The following DNAJC7 variants were observed in gnomAD, a reference collection of about 807,000 sequenced individuals.
DNAJC7 encodes the protein dnaJ homolog subfamily C member 7.
In DNAJC7, 18 loss-of-function variants were observed where a neutral mutation model predicts 67.4. The ratio of observed to expected loss-of-function variants is 0.27; its 90% confidence interval spans 0.18 to 0.40. DNAJC7 has a LOEUF of 0.40. Ranked by LOEUF, DNAJC7 falls within the 10% of genes least tolerant of loss-of-function variation. The probability of loss-of-function intolerance (pLI) is 1.00; values close to 1 mark genes in which losing one functional copy is unlikely to be tolerated. For synonymous variants in DNAJC7, 220 were observed against 207.8 expected, an observed-to-expected ratio of 1.06 and a Z score of -0.50; for missense variants, 419 against 613.8, an observed-to-expected ratio of 0.68 and a Z score of 3.35.
At chr17:41,990,945 G>A (rs1320950700) in intron 5 of DNAJC7, among the ~76,000 whole-genome samples, 1 of 152,012 alleles carries the variant, frequency 6.6e-6, no homozygotes, top group Non-Finnish European at 1.5e-5. Context: ...TTACAGGCGT[G>A]AGCCACCACA....
chr17:41,990,361 C>A lies in DNAJC7; in HGVS notation c.502G>T (p.Ala168Ser), dbSNP rs1555647598. ...TGGCAGGCAGGGGCAAATTCTAGGG[C>A]ACGGTCCATGCAGAAAACAACCTGT... Reference protein sequence around the residue: ...FRKVVFCMDRALEFAPACHRF... With the variant: ...FRKVVFCMDRSLEFAPACHRF... The change falls in exon 6 of 14, where the codon GCC becomes TCC. Residue 168 changes from alanine (A) to serine (S), a missense_variant. Ala to Ser is a moderately conservative substitution (Grantham distance 99). Coordinates refer to ENST00000457167, the MANE Select transcript of DNAJC7 (RefSeq NM_003315.4). The A allele has an allele frequency of 1.2e-6, 2 of 1,609,792 alleles. No homozygotes were observed. Among genetic ancestry groups the A allele is most frequent in the Non-Finnish European group, 1.7e-6 (2 of 1,178,084 alleles).
intron 1 of DNAJC7, among the ~76,000 whole-genome samples, chr17:42,001,472 AT>A (rs2051805626): frequency 6.6e-6 from 1 of 152,234 alleles, no homozygotes; most frequent in African/African-American, 2.4e-5. Flanking sequence ...CAAATCAGAC[AT>A]GACCAACAGT....
At chr17:42,008,656 C>A (rs1057336847) in intron 1 of DNAJC7, among the ~76,000 whole-genome samples, 1 of 152,068 alleles carries the variant, frequency 6.6e-6, no homozygotes, top group South Asian at 2.1e-4. Context: ...ATGATCCGCC[C>A]GCCTCGGCCT....
intron 1 of DNAJC7, chr17:42,016,908 CG>C (rs1306003062): frequency 3.7e-6 from 4 of 1,072,550 alleles, no homozygotes; most frequent in Non-Finnish European, 4.6e-6. Flanking sequence ...CAAGGGAAAA[CG>C]GGGTGAGGAG....
intron 1 of DNAJC7, among the ~76,000 whole-genome samples, chr17:42,007,404 A>G (rs1040745446): frequency 4.6e-5 from 7 of 152,138 alleles, no homozygotes; most frequent in African/African-American, 1.4e-4. Flanking sequence ...GGCATGTCAC[A>G]GGGCCTGTTT....
rs782468009 is a variant in DNAJC7, at chr17:41,981,901, G to A, written c.1338C>T (p.Arg446=). The A allele has an allele frequency of 1.2e-6, 2 of 1,613,970 alleles. No individual in the cohort carries two copies. The highest frequency in any genetic ancestry group is 1.7e-6 in the Non-Finnish European group (2 of 1,179,902). Residue 446 remains arginine (R), a synonymous_variant, in exon 12 of 14, where the codon CGC becomes CGT. Coordinates refer to ENST00000457167, the MANE Select transcript of DNAJC7 (RefSeq NM_003315.4). ...TILSDPKKKT[R]YDSGQDLDEE... ...CATCTAGGTCCTGTCCACTGTCATA[G>A]CGAGTCTTTTTCTTGGGATCAGAGA... is the stretch of plus-strand genomic sequence containing the variant.
At chr17:41,994,109 G>A (rs1485709055) in intron 5 of DNAJC7, among the ~76,000 whole-genome samples, 2 of 151,108 alleles carry the variant, frequency 1.3e-5, no homozygotes, top group African/African-American at 2.4e-5. Context: ...AGGCTGAGGC[G>A]GGCAGATCAG....
chr17:42,000,124 T>G (rs2051769847), intron 2 of DNAJC7, among the ~76,000 whole-genome samples: 1 of 142,296 alleles, frequency 7.0e-6, no homozygotes, highest in Non-Finnish European at 1.5e-5. Context: ...TGGCCTATTT[T>G]TTTTATCTTT....
At chr17:41,978,131 AAGC>A (rs560875147) in intron 12 of DNAJC7, among the ~76,000 whole-genome samples, 123 of 152,268 alleles carry the variant, frequency 8.1e-4, no homozygotes, top group African/African-American at 2.8e-3. Context: ...ATGGCAGCGA[AAGC>A]AGCAGAACTG....
chr17:42,009,763 T>G (rs943019694), intron 1 of DNAJC7, among the ~76,000 whole-genome samples: 1 of 152,164 alleles, frequency 6.6e-6, no homozygotes, highest in East Asian at 1.9e-4. Flanking sequence ...CCATTTTCCA[T>G]CCCTCGGTTC....
intron 1 of DNAJC7, among the ~76,000 whole-genome samples, chr17:42,009,733 A>G (rs1270043114): frequency 6.6e-6 from 1 of 152,218 alleles, no homozygotes; most frequent in African/African-American, 2.4e-5. Flanking sequence ...GCTTGTTTTC[A>G]TAACATATCC....
chr17:42,000,424 C>T, intron 2 of DNAJC7, 58 bp downstream of exon 2: 2 of 1,409,606 alleles, frequency 1.4e-6, no homozygotes, highest in East Asian at 2.3e-5. Flanking sequence ...TTGGCAGCTA[C>T]TTTTAATAAT....
intron 7 of DNAJC7, 79 bp from the exon 8 acceptor site, chr17:41,988,975 T>A: frequency 6.5e-7 from 1 of 1,529,442 alleles, no homozygotes; most frequent in Non-Finnish European, 8.8e-7. Context: ...AGACTCTATT[T>A]TCAAGTTCTT....
intron 7 of DNAJC7, 148 bp from the exon 8 acceptor site, chr17:41,989,044 G>T: frequency 1.1e-6 from 1 of 936,230 alleles, no homozygotes; most frequent in Non-Finnish European, 1.6e-6. Context: ...GCTATCTGTT[G>T]CTCATTTGAG....
chr17:41,987,989 ACT>A (rs2051426926), intron 8 of DNAJC7, 79 bp from the exon 9 acceptor site: 1 of 1,186,950 alleles, frequency 8.4e-7, no homozygotes, highest in South Asian at 1.3e-5. Flanking sequence ...TGGCTTCAAA[ACT>A]CTAAGAGGAT....
At chr17:41,986,034 T>C (rs1311268826) in intron 9 of DNAJC7, 1 of 97,062 alleles carries the variant, frequency 1.0e-5, no homozygotes, top group Non-Finnish European at 2.0e-5. Flanking sequence ...TTCTATGGTG[T>C]TGGGGGCTTG....
chr17:42,008,976 T>G (rs543364580), intron 1 of DNAJC7, among the ~76,000 whole-genome samples: 3 of 151,638 alleles, frequency 2.0e-5, no homozygotes, highest in Admixed American at 6.6e-5. Flanking sequence ...TTCCAAAGTG[T>G]TGGGATTAAA....
chr17:41,979,556 C>T lies in DNAJC7; in HGVS notation c.1385-2233G>A, dbSNP rs569746554. On this transcript the variant is annotated intron_variant, in intron 12 of 13. Coordinates refer to ENST00000457167, the MANE Select transcript of DNAJC7 (RefSeq NM_003315.4). ...GCATGGGGGTGGATGCCTGTAATCC[C>T]AGCTGCTCAGGAGGCTGAGGCAGGA... Among the ~76,000 whole-genome samples the T allele has an allele frequency of 7.6e-4, 114 of 150,128 alleles. 2 individuals are homozygous for T. Among genetic ancestry groups the T allele is most frequent in the Admixed American group, 7.6e-3 (113 of 14,964 alleles).
intron 1 of DNAJC7, among the ~76,000 whole-genome samples, chr17:42,008,864 T>C (rs1321046402): frequency 6.6e-6 from 1 of 152,176 alleles, no homozygotes; most frequent in Admixed American, 6.5e-5. Flanking sequence ...CCCACTACCA[T>C]GCCTGGCTAA....
Sources: allele counts gnomAD v4.1 joint callset (sites outside exome capture counted in the v4.1 genomes callset), GRCh38; gene constraint gnomAD v4.1.1; transcripts MANE v1.5; gene names NCBI Gene and HGNC (gene_info 2026-07-23, HGNC 2026-07-21).